Variants in FARS2 observed in about 807,000 individuals in gnomAD.
FARS2 encodes phenylalanine--tRNA ligase, mitochondrial.
A neutral mutation model predicts 46.4 loss-of-function variants in FARS2; 40 were observed. The observed-to-expected ratio is 0.86, with a 90% CI of 0.67 to 1.12. FARS2 has a LOEUF of 1.12. FARS2 is among the 50% of genes most tolerant of loss of function. The probability of loss-of-function intolerance (pLI) is 0.00; values close to 1 mark genes in which losing one functional copy is unlikely to be tolerated. For synonymous variants in FARS2, 234 were observed against 214.9 expected, an observed-to-expected ratio of 1.09 and a Z score of -0.78; for missense variants, 513 against 567.9, an observed-to-expected ratio of 0.90 and a Z score of 0.98.
chr6:5,509,427 CAAAG>C (rs1480271894), intron 4 of FARS2, among the ~76,000 whole-genome samples: 1 of 152,206 alleles, frequency 6.6e-6, no homozygotes, highest in Non-Finnish European at 1.5e-5. Context: ...GAAAATGTCA[CAAAG>C]AAATCTCGTG....
chr6:5,375,101 A>C (rs1368961175), intron 2 of FARS2, among the ~76,000 whole-genome samples: 1 of 150,694 alleles, frequency 6.6e-6, no homozygotes, highest in African/African-American at 2.5e-5. Context: ...AGAAAGAGAA[A>C]TAGAAGGCAT....
At chr6:5,287,481 T>A (rs1438041076) in intron 1 of FARS2, among the ~76,000 whole-genome samples, 2 of 152,184 alleles carry the variant, frequency 1.3e-5, no homozygotes, top group African/African-American at 2.4e-5. Flanking sequence ...TGGCCATTTT[T>A]CCATTGCCTG....
chr6:5,562,040 T>A (rs1256075250), intron 5 of FARS2, among the ~76,000 whole-genome samples: 1 of 152,180 alleles, frequency 6.6e-6, no homozygotes. Flanking sequence ...TGTTTAGTAA[T>A]TTGAATATCT....
At chr6:5,603,205 C>A (rs1330442385) in intron 5 of FARS2, among the ~76,000 whole-genome samples, 1 of 152,208 alleles carries the variant, frequency 6.6e-6, no homozygotes, top group Non-Finnish European at 1.5e-5. Flanking sequence ...AAATAATCTT[C>A]CAACCTCAGC....
chr6:5,603,539 C>A lies in FARS2; in HGVS notation c.1066-9630C>A, dbSNP rs187378402. 5.4e-4 allele frequency among the ~76,000 whole-genome samples: 83 copies of A among 152,306 alleles called. 1 individual carries two copies. Among genetic ancestry groups the A allele is most frequent in the African/African-American group, 1.9e-3 (79 of 41,564 alleles). ...GGAAGTCTTAAGACCAAGGTGTTGG[C>A]AGGGTTGATTCCTTCTGAGGATCTG... On this transcript the variant is annotated intron_variant, in intron 5 of 6. Coordinates refer to ENST00000274680, the MANE Select transcript of FARS2 (RefSeq NM_006567.5).
intron 4 of FARS2, among the ~76,000 whole-genome samples, chr6:5,521,046 G>T (rs115233476): frequency 6.6e-6 from 1 of 151,926 alleles, no homozygotes; most frequent in Non-Finnish European, 1.5e-5. Flanking sequence ...GATGAGCTCT[G>T]GTTCTTAGAA....
intron 1 of FARS2, among the ~76,000 whole-genome samples, chr6:5,270,470 G>A (rs1411337): frequency 0.8 from 122,467 of 152,172 alleles, 49,842 homozygotes; most frequent in African/African-American, 0.93. Context: ...GTTCGCTAGA[G>A]CTGTCAAGCT....
chr6:5,609,025 A>G (rs1315159479), intron 5 of FARS2, among the ~76,000 whole-genome samples: 1 of 152,198 alleles, frequency 6.6e-6, no homozygotes, highest in Non-Finnish European at 1.5e-5. Context: ...AACAGAAACT[A>G]AAATAACCTG....
intron 1 of FARS2, among the ~76,000 whole-genome samples, chr6:5,319,986 G>T (rs2127562497): frequency 6.6e-6 from 1 of 152,350 alleles, no homozygotes; most frequent in Middle Eastern, 3.4e-3. Context: ...CTCTGCCCAT[G>T]TGGGAAAGAA....
chr6:5,409,896 A>G lies in FARS2; in HGVS notation c.772+5195A>G, dbSNP rs144442504. 1.4e-3 allele frequency among the ~76,000 whole-genome samples: 209 copies of G among 152,136 alleles called. 2 individuals carry two copies. The highest frequency in any genetic ancestry group is 0.01 in the Middle Eastern group (3 of 294). On this transcript the variant is annotated intron_variant, in intron 3 of 6. Coordinates refer to ENST00000274680, the MANE Select transcript of FARS2 (RefSeq NM_006567.5). Reference sequence around the variant, plus strand: ...CGAGCTGTTGTTGTAGAGGTGTGTGAGCTTGTCCCCGACCGTGTTTGCCGT... The same window carrying G: ...CGAGCTGTTGTTGTAGAGGTGTGTGGGCTTGTCCCCGACCGTGTTTGCCGT...
At chr6:5,684,211 A>T (rs755044317) in intron 6 of FARS2, among the ~76,000 whole-genome samples, 1 of 152,136 alleles carries the variant, frequency 6.6e-6, no homozygotes, top group Non-Finnish European at 1.5e-5. Context: ...CCTGTGCATG[A>T]GCAGTCACAG....
intron 6 of FARS2, among the ~76,000 whole-genome samples, chr6:5,767,902 A>G (rs2150986444): frequency 6.6e-6 from 1 of 152,344 alleles, no homozygotes; most frequent in Non-Finnish European, 1.5e-5. Context: ...GAATCCAGAC[A>G]CTTGGAGTTG....
intron 3 of FARS2, among the ~76,000 whole-genome samples, chr6:5,417,853 A>G (rs1028194091): frequency 3.9e-5 from 6 of 152,126 alleles, no homozygotes; most frequent in African/African-American, 9.7e-5. Flanking sequence ...CTCCACTTGC[A>G]TGTGTATGTG....
At chr6:5,656,136 G>A (rs1434998004) in intron 6 of FARS2, among the ~76,000 whole-genome samples, 1 of 152,174 alleles carries the variant, frequency 6.6e-6, no homozygotes, top group Non-Finnish European at 1.5e-5. Context: ...AAGTACAATG[G>A]AAGACAAGGA....
At chr6:5,540,168 T>C (rs543369043) in intron 4 of FARS2, among the ~76,000 whole-genome samples, 9 of 152,238 alleles carry the variant, frequency 5.9e-5, no homozygotes, top group African/African-American at 9.6e-5. Flanking sequence ...GGGAGGAAGA[T>C]AGCAAATGGG....
chr6:5,566,143 T>C (rs1772311661), intron 5 of FARS2, among the ~76,000 whole-genome samples: 1 of 152,182 alleles, frequency 6.6e-6, no homozygotes, highest in Non-Finnish European at 1.5e-5. Flanking sequence ...GCGTAGTGCT[T>C]GTACCATGCA....
At chr6:5,347,158 C>A (rs1197719444) in intron 1 of FARS2, among the ~76,000 whole-genome samples, 1 of 152,180 alleles carries the variant, frequency 6.6e-6, no homozygotes, top group Non-Finnish European at 1.5e-5. Flanking sequence ...AGGTGACCCT[C>A]CCACCTTGGC....
intron 1 of FARS2, among the ~76,000 whole-genome samples, chr6:5,321,747 C>T (rs1471934455): frequency 6.6e-6 from 1 of 152,166 alleles, no homozygotes; most frequent in East Asian, 1.9e-4. Flanking sequence ...TGGGAACCTC[C>T]AGATGCTACC....
At chr6:5,601,975 G>C (rs1045332928) in intron 5 of FARS2, among the ~76,000 whole-genome samples, 3 of 152,194 alleles carry the variant, frequency 2.0e-5, no homozygotes, top group African/African-American at 7.2e-5. Flanking sequence ...TGGAGAACTT[G>C]TGGAGAAAAC....
Sources: gnomAD v4.1 joint callset for allele counts (sites outside exome capture counted in the v4.1 genomes callset) on GRCh38, gnomAD v4.1.1 for gene constraint, MANE v1.5 for transcripts, NCBI Gene and HGNC (gene_info 2026-07-23, HGNC 2026-07-21) for gene names.